GHRH: variants seen among roughly 807,000 people sequenced by gnomAD.
GHRH encodes the protein growth hormone releasing hormone, also known as somatoliberin.
In GHRH, 7 loss-of-function variants were observed where a neutral mutation model predicts 15.6. That is an observed-to-expected ratio of 0.45 (90% CI 0.26 to 0.84). The LOEUF is 0.84. GHRH is among the 40% of genes least tolerant of loss of function. GHRH has a pLI of 0.18. For missense variants in GHRH, 117 were observed against 138.0 expected, an observed-to-expected ratio of 0.85 and a Z score of 0.76; for synonymous variants, 54 against 50.4, an observed-to-expected ratio of 1.07 and a Z score of -0.30.
Position 37,256,903 on chromosome 20 carries a change from T to C in GHRH, c.-14A>G, listed in dbSNP as rs1235338864. 1 of 1,596,420 alleles carries C rather than the reference T, an allele frequency of 6.3e-7. No homozygotes were observed. Among genetic ancestry groups the C allele is most frequent in the Non-Finnish European group, 8.5e-7 (1 of 1,169,942 alleles). ...CCAGAGTGGCATCCTTCACCCGGGG[T>C]GGCACCTGCAGAGTGACAGGAGGGG... On this transcript the variant is annotated 5_prime_UTR_variant, in exon 2 of 5. Coordinates refer to ENST00000373614, the MANE Select transcript of GHRH (RefSeq NM_021081.6).
In GHRH at chr20:37,256,484, G is replaced by A. The variant is rs777362452; in HGVS notation, c.98C>T (p.Ala33Val). 3 of 1,610,712 alleles carry A rather than the reference G, an allele frequency of 1.9e-6. No homozygotes were observed. The highest frequency in any genetic ancestry group is 2.5e-6 in the Non-Finnish European group (3 of 1,177,758). The change falls in exon 3 of 5, where the codon GCA becomes GTA. Residue 33 changes from alanine to valine, a missense_variant. Ala to Val is a moderately conservative substitution (Grantham distance 64). Coordinates refer to ENST00000373614, the MANE Select transcript of GHRH (RefSeq NM_021081.6). ...PPLTLRMRRY[A>V]DAIFTNSYRK... is the part of the protein sequence containing the mutation. Reference sequence around the variant, plus strand: ...GTAGCTGTTGGTGAAGATGGCATCTGCATACCGCCGCATCCTGTGCGGAAG... The same window carrying A: ...GTAGCTGTTGGTGAAGATGGCATCTACATACCGCCGCATCCTGTGCGGAAG...
chr20:37,258,963 C>A lies in GHRH; in HGVS notation c.-19-2055G>T, dbSNP rs58116025. ...CTATATTGCCGAGGCTGGTTTCAAA[C>A]CCCCGGGCTTAAGTGATCCCCCCGC... On this transcript the variant is annotated intron_variant, in intron 1 of 4. Transcript: ENST00000373614. The surrounding 1 kb of genome is among the most constrained non-coding windows in gnomAD (Gnocchi z 4.1). Among the ~76,000 whole-genome samples the A allele has an allele frequency of 0.088, 13,319 of 152,082 alleles. 1,402 individuals are homozygous for A. Among genetic ancestry groups the A allele is most frequent in the African/African-American group, 0.26 (10,636 of 41,426 alleles).
chr20:37,255,085 G>C (rs780437493), intron 3 of GHRH, among the ~76,000 whole-genome samples: 5 of 152,172 alleles, frequency 3.3e-5, no homozygotes, highest in Non-Finnish European at 7.3e-5. Flanking sequence ...GGGTCATGAT[G>C]ACTGCAATTT....
intron 3 of GHRH, among the ~76,000 whole-genome samples, chr20:37,255,684 A>T (rs894262022): frequency 7.7e-6 from 1 of 129,282 alleles, no homozygotes; most frequent in Non-Finnish European, 1.5e-5. Context: ...AAAAAAAAAA[A>T]AAGAGCTATT....
chr20:37,256,436 G>C lies in GHRH; in HGVS notation c.146C>G (p.Ser49Cys). Reference sequence around the variant, plus strand: ...GATGTCCTGGAGCAGCTTGCGGGCGGACAGCTGGCCCAGCACCTTCCGGTA... The same window carrying C: ...GATGTCCTGGAGCAGCTTGCGGGCGCACAGCTGGCCCAGCACCTTCCGGTA... ...NSYRKVLGQL[S>C]ARKLLQDIMS... is the part of the protein sequence containing the mutation. Residue 49 changes from serine (S) to cysteine (C), a missense_variant, in exon 3 of 5, where the codon TCC becomes TGC. By Grantham distance (112) the Ser-to-Cys change is moderately radical. Coordinates refer to ENST00000373614, the MANE Select transcript of GHRH (RefSeq NM_021081.6). The C allele has an allele frequency of 6.2e-7, 1 of 1,613,518 alleles. No individual in the cohort carries two copies. Among genetic ancestry groups the C allele is most frequent in the South Asian group, 1.1e-5 (1 of 91,028 alleles).
At chr20:37,252,671 G>A (rs1266257189) in intron 4 of GHRH, among the ~76,000 whole-genome samples, 1 of 151,792 alleles carries the variant, frequency 6.6e-6, no homozygotes, top group Non-Finnish European at 1.5e-5. Context: ...GGGAGGCCAT[G>A]GCAGGTGGAT....
rs1213952013 is a variant in GHRH, at chr20:37,258,651, C to T, written c.-19-1743G>A. 1.3e-5 allele frequency among the ~76,000 whole-genome samples: 2 copies of T among 152,220 alleles called. No homozygotes were observed. The highest frequency in any genetic ancestry group is 2.9e-5 in the Non-Finnish European group (2 of 68,048). ...TCCCCACAACACGCACACTGGCTGTCCTCCACTTCCTGCTCGAGTGAGCAC... is the reference window on the plus strand; with the variant it reads ...TCCCCACAACACGCACACTGGCTGTTCTCCACTTCCTGCTCGAGTGAGCAC... On this transcript the variant is annotated intron_variant, in intron 1 of 4. Transcript: ENST00000373614. This position sits in a 1 kb window ranked among gnomAD's most constrained non-coding sequence, Gnocchi z 4.1.
rs2068671639 is a variant in GHRH at position 37,258,660 on chromosome 20, C to T, written c.-19-1752G>A. 6.6e-6 allele frequency among the ~76,000 whole-genome samples: 1 copy of T among 152,240 alleles called. No homozygotes were observed. Among genetic ancestry groups the T allele is most frequent in the African/African-American group, 2.4e-5 (1 of 41,460 alleles). On this transcript the variant is annotated intron_variant, in intron 1 of 4. Coordinates refer to ENST00000373614, the MANE Select transcript of GHRH (RefSeq NM_021081.6). This position sits in a 1 kb window ranked among gnomAD's most constrained non-coding sequence, Gnocchi z 4.1. ...CACGCACACTGGCTGTCCTCCACTT[C>T]CTGCTCGAGTGAGCACTTGCTGCCA...
Position 37,256,914 on chromosome 20 carries a change from G to A in GHRH, c.-19-6C>T, listed in dbSNP as rs750267049. 1.4e-5 allele frequency: 22 copies of A among 1,549,576 alleles called. No individual in the cohort carries two copies. Among genetic ancestry groups the A allele is most frequent in the Non-Finnish European group, 1.9e-5 (21 of 1,130,262 alleles). The stretch of plus-strand genomic sequence containing the variant: ...TCCTTCACCCGGGGTGGCACCTGCA[G>A]AGTGACAGGAGGGGAAGGTCAGGTA... On this transcript the variant is annotated splice_polypyrimidine_tract_variant and splice_region_variant and intron_variant, in intron 1 of 4. Coordinates refer to ENST00000373614, the MANE Select transcript of GHRH (RefSeq NM_021081.6).
chr20:37,255,660 C>CAAAAA (rs61126074), intron 3 of GHRH, among the ~76,000 whole-genome samples: 246 of 14,718 alleles, frequency 0.017, 26 homozygotes, highest in African/African-American at 0.059. Context: ...GACTCCATCT[C>CAAAAA]AAAAAAAAAA....
At chr20:37,252,741 A>G (rs1337501637) in intron 4 of GHRH, among the ~76,000 whole-genome samples, 1 of 151,050 alleles carries the variant, frequency 6.6e-6, no homozygotes. Flanking sequence ...CATCTCTACT[A>G]AAAGTACAAA....
At chr20:37,254,093 G>C in intron 4 of GHRH, 117 bp downstream of exon 4, 1 of 1,068,380 alleles carries the variant, frequency 9.4e-7, no homozygotes, top group Admixed American at 2.0e-5. Context: ...CTTGTTCTTG[G>C]TTTGTTTGGC....
rs1165734001 is a variant in GHRH at position 37,251,145 on chromosome 20, G to C, written c.*68C>G. Reference sequence around the variant, plus strand: ...TATTTTCAAAGGAAAAAGTGGGTCAGAAATGAGAGGATTAACTGGATCCAG... The same window carrying C: ...TATTTTCAAAGGAAAAAGTGGGTCACAAATGAGAGGATTAACTGGATCCAG... On this transcript the variant is annotated 3_prime_UTR_variant, in exon 5 of 5. Transcript: ENST00000373614. 2.6e-6 allele frequency: 3 copies of C among 1,155,404 alleles called. No homozygotes were observed. Among genetic ancestry groups the C allele is most frequent in the Non-Finnish European group, 3.8e-6 (3 of 796,230 alleles). 71.6% of individuals were successfully genotyped at this position (1,155,404 alleles called of 1,614,324 possible). A position where few individuals can be genotyped will look rare whatever the true frequency, so the allele number is the denominator to read the frequency against.
rs1025590747 is a variant in GHRH, at chr20:37,258,130, C to T, written c.-19-1222G>A. Among the ~76,000 whole-genome samples the T allele has an allele frequency of 6.6e-6, 1 of 152,230 alleles. No homozygotes were observed. Among genetic ancestry groups the T allele is most frequent in the African/African-American group, 2.4e-5 (1 of 41,466 alleles). ...AACAGCCAGCAGGGGACAGAGCCCG[C>T]CTCCGCTGGGGCAAGTGCCACTGCT... On this transcript the variant is annotated intron_variant, in intron 1 of 4. Coordinates refer to ENST00000373614, the MANE Select transcript of GHRH (RefSeq NM_021081.6). This position sits in a 1 kb window ranked among gnomAD's most constrained non-coding sequence, Gnocchi z 4.1.
At chr20:37,256,545 G>T in intron 2 of GHRH, 47 bp from the exon 3 acceptor site, 4 of 1,218,044 alleles carry the variant, frequency 3.3e-6, no homozygotes, top group Non-Finnish European at 3.6e-6. Context: ...GAGGCCAGGC[G>T]AGAGGACAGT....
intron 3 of GHRH, among the ~76,000 whole-genome samples, chr20:37,255,502 A>G (rs2068650152): frequency 6.6e-6 from 1 of 151,464 alleles, no homozygotes; most frequent in Admixed American, 6.6e-5. Context: ...CTACTAAAAT[A>G]TACAAAAAAT....
At chr20:37,261,322 T>TA (rs1464643842) in intron 1 of GHRH, among the ~76,000 whole-genome samples, 1 of 152,226 alleles carries the variant, frequency 6.6e-6, no homozygotes, top group African/African-American at 2.4e-5. Context: ...TCCCGGCAAT[T>TA]ACATTGAATC....
rs552944131 is a variant in GHRH at position 37,256,377 on chromosome 20, C to T, written c.188+17G>A. 5.1e-6 allele frequency: 8 copies of T among 1,562,498 alleles called. No individual in the cohort carries two copies. The South Asian group carries it at 9.1e-5, about 18-fold the overall frequency. ...TGCTGCAGGGTGTGGGAAGAAATCA[C>T]TAGAACTCCTGCTTACCCCTGCTGC... On this transcript the variant is annotated intron_variant, in intron 3 of 4. Coordinates refer to ENST00000373614, the MANE Select transcript of GHRH (RefSeq NM_021081.6).
rs201362037 is a variant in GHRH, at chr20:37,254,196, A to G, written c.308+14T>C. ...CTGAAGTCCCTAGATGCACCCATGC[A>G]CACACACCCATACCTGTGCTTCTGC... On this transcript the variant is annotated intron_variant, in intron 4 of 4. Coordinates refer to ENST00000373614, the MANE Select transcript of GHRH (RefSeq NM_021081.6). 23 of 1,613,902 alleles carry G rather than the reference A, an allele frequency of 1.4e-5. No homozygotes were observed. The highest frequency in any genetic ancestry group is 1.6e-4 in the Middle Eastern group (1 of 6,066).
Sources: allele counts gnomAD v4.1 joint callset (sites outside exome capture counted in the v4.1 genomes callset), GRCh38; gene constraint gnomAD v4.1.1; non-coding constraint Gnocchi (gnomAD v3.1); transcripts MANE v1.5; gene names NCBI Gene and HGNC (gene_info 2026-07-23, HGNC 2026-07-21).